Variants in RANBP17 observed in about 807,000 individuals in gnomAD.
RANBP17 encodes the protein RAN binding protein 17.
RANBP17 carries 158 observed loss-of-function variants against 141.2 expected under a neutral mutation model. The ratio of observed to expected loss-of-function variants is 1.12; its 90% CI spans 0.98 to 1.28. The LOEUF (loss-of-function observed/expected upper bound fraction) is 1.28, where lower values mean the gene tolerates loss of function less well. Ranked by LOEUF, RANBP17 falls within the 50% of genes most tolerant of loss-of-function variation. RANBP17 has a pLI of 0.00. For missense variants in RANBP17, 1,438 were observed against 1,290.7 expected (o/e 1.11, Z -1.75); for synonymous variants, 430 against 450.0 (o/e 0.96, Z 0.56).
At chr5:170,925,360 AGT>A (rs1355251465) in intron 12 of RANBP17, among the ~76,000 whole-genome samples, 3 of 152,156 alleles carry the variant, frequency 2.0e-5, no homozygotes, top group African/African-American at 7.2e-5. Flanking sequence ...ATGAGGGGCT[AGT>A]GTGAGATAAT....
At chr5:171,257,245 G>A (rs577415619) in intron 24 of RANBP17, among the ~76,000 whole-genome samples, 17 of 152,320 alleles carry the variant, frequency 1.1e-4, no homozygotes, top group Admixed American at 3.9e-4. Flanking sequence ...GGAATGCAGC[G>A]TTAATTCAGT....
At chr5:171,184,308 A>C (rs1761081423) in intron 18 of RANBP17, among the ~76,000 whole-genome samples, 1 of 152,242 alleles carries the variant, frequency 6.6e-6, no homozygotes, top group African/African-American at 2.4e-5. Context: ...GCCATAAAAA[A>C]GGAAAAATGT....
intron 14 of RANBP17, among the ~76,000 whole-genome samples, chr5:171,105,710 C>T (rs1251936813): frequency 1.7e-5 from 2 of 120,518 alleles, no homozygotes; most frequent in Admixed American, 9.4e-5. Context: ...AGAGTGAGAA[C>T]TTGTCTCAAA....
chr5:171,141,877 A>G (rs912046715), intron 14 of RANBP17, among the ~76,000 whole-genome samples: 2 of 152,170 alleles, frequency 1.3e-5, no homozygotes, highest in African/African-American at 4.8e-5. Flanking sequence ...AGCACAGAAT[A>G]CCTGGCATAT....
intron 14 of RANBP17, among the ~76,000 whole-genome samples, chr5:171,037,543 G>C (rs973468480): frequency 6.6e-6 from 1 of 152,098 alleles, no homozygotes; most frequent in African/African-American, 2.4e-5. Flanking sequence ...TGTTTCCTAG[G>C]TTTTCTTCTA....
intron 13 of RANBP17, among the ~76,000 whole-genome samples, chr5:170,959,268 C>A (rs560585669): frequency 6.6e-6 from 1 of 152,294 alleles, no homozygotes; most frequent in South Asian, 2.1e-4. Context: ...TAAATAACTT[C>A]AGCTGCTTTC....
chr5:171,020,838 A>C (rs1358034264), intron 14 of RANBP17, among the ~76,000 whole-genome samples: 2 of 152,090 alleles, frequency 1.3e-5, no homozygotes, highest in South Asian at 2.1e-4. Context: ...GTTATTTTGC[A>C]CATTAGTTGA....
intron 14 of RANBP17, among the ~76,000 whole-genome samples, chr5:171,111,070 T>C (rs929219471): frequency 2.6e-5 from 4 of 151,918 alleles, no homozygotes; most frequent in African/African-American, 9.7e-5. Context: ...GTCCATGTGT[T>C]TTCTTCCTAC....
intron 18 of RANBP17, among the ~76,000 whole-genome samples, chr5:171,186,456 A>G (rs1761242337): frequency 6.7e-6 from 1 of 150,304 alleles, no homozygotes; most frequent in South Asian, 2.1e-4. Flanking sequence ...CTCAGCTTTC[A>G]TAGAATAGAG....
chr5:171,268,439 A>G (rs1372861375), intron 25 of RANBP17, among the ~76,000 whole-genome samples: 1 of 152,184 alleles, frequency 6.6e-6, no homozygotes, highest in East Asian at 1.9e-4. Flanking sequence ...GCAAGTTCTT[A>G]CTACTCACAC....
At chr5:171,006,069 T>A (rs939411255) in intron 14 of RANBP17, among the ~76,000 whole-genome samples, 9 of 151,996 alleles carry the variant, frequency 5.9e-5, no homozygotes, top group Non-Finnish European at 1.0e-4. Context: ...CCAGTTAGAA[T>A]GGCAATCATT....
chr5:171,137,571 G>GGTGTGTGTGTGTGTGTGTGTGT (rs757634108), intron 14 of RANBP17, among the ~76,000 whole-genome samples: 6 of 63,050 alleles, frequency 9.5e-5, no homozygotes, highest in Admixed American at 3.4e-4. Context: ...GTTGACTTGA[G>GGTGTGTGTGTGTGTGTGTGTGT]ATGTGTGTGT....
At chr5:170,964,538 C>A (rs1017564134) in intron 13 of RANBP17, among the ~76,000 whole-genome samples, 1 of 152,074 alleles carries the variant, frequency 6.6e-6, no homozygotes, top group Non-Finnish European at 1.5e-5. Context: ...CTAATGCTAT[C>A]CCTTCCACCT....
intron 20 of RANBP17, among the ~76,000 whole-genome samples, chr5:171,209,956 AGACG>A (rs1250546555): frequency 3.3e-5 from 5 of 152,024 alleles, no homozygotes; most frequent in Non-Finnish European, 7.4e-5. Context: ...ACGGACGGAC[AGACG>A]GACGGATGGA....
At chr5:171,137,163 A>G (rs906185275) in intron 14 of RANBP17, among the ~76,000 whole-genome samples, 4 of 152,184 alleles carry the variant, frequency 2.6e-5, no homozygotes, top group South Asian at 2.1e-4. Flanking sequence ...TATACTTAAT[A>G]TATATTTTTC....
chr5:171,206,200 A>G (rs1762570588), intron 20 of RANBP17: 1 of 167,034 alleles, frequency 6.0e-6, no homozygotes, highest in African/African-American at 2.4e-5. Flanking sequence ...AAAAGAGCAT[A>G]GACTTTGGTG....
intron 14 of RANBP17, among the ~76,000 whole-genome samples, chr5:171,140,509 A>G (rs563019864): frequency 1.3e-5 from 2 of 152,348 alleles, no homozygotes; most frequent in South Asian, 2.1e-4. Flanking sequence ...AGTTTGGGCT[A>G]TAAAGAGCAG....
chr5:171,229,069 G>A (rs1261602157), intron 22 of RANBP17, among the ~76,000 whole-genome samples: 1 of 152,184 alleles, frequency 6.6e-6, no homozygotes, highest in Non-Finnish European at 1.5e-5. Flanking sequence ...CAAGAAGATA[G>A]CTAAATAATT....
chr5:171,245,910 G>A (rs1276963083), intron 24 of RANBP17, among the ~76,000 whole-genome samples: 3 of 136,438 alleles, frequency 2.2e-5, no homozygotes, highest in East Asian at 2.1e-4. Flanking sequence ...ATGGAGTCTC[G>A]CTCCATCGCC....
Sources: gnomAD v4.1 joint callset for allele counts (sites outside exome capture counted in the v4.1 genomes callset) on GRCh38, gnomAD v4.1.1 for gene constraint, MANE v1.5 for transcripts, NCBI Gene and HGNC (gene_info 2026-07-23, HGNC 2026-07-21) for gene names.